Variants in PLXDC2 observed in about 807,000 individuals in gnomAD.
PLXDC2 encodes the protein plexin domain-containing protein 2.
A neutral mutation model predicts 68.9 loss-of-function variants in PLXDC2; 40 were observed. That is an observed-to-expected ratio of 0.58 (90% CI 0.45 to 0.76). The LOEUF is 0.76. PLXDC2 is among the 30% of genes least tolerant of loss of function. The probability of loss-of-function intolerance (pLI) is 0.00; values close to 1 mark genes in which losing one functional copy is unlikely to be tolerated. For missense variants in PLXDC2, 644 were observed against 661.9 expected (o/e 0.97, Z 0.30); for synonymous variants, 243 against 234.2 (o/e 1.04, Z -0.34).
At chr10:19,968,000 C>T (rs1254613002) in intron 1 of PLXDC2, among the ~76,000 whole-genome samples, 2 of 152,104 alleles carry the variant, frequency 1.3e-5, no homozygotes, top group East Asian at 3.9e-4. Context: ...ATATTTTAAC[C>T]TAGAAAAGAC....
At chr10:20,052,883 C>T (rs1037903236) in intron 3 of PLXDC2, among the ~76,000 whole-genome samples, 3 of 152,018 alleles carry the variant, frequency 2.0e-5, no homozygotes, top group African/African-American at 7.2e-5. Flanking sequence ...CCACACACTT[C>T]CCTCCTTCTT....
intron 1 of PLXDC2, among the ~76,000 whole-genome samples, chr10:19,978,363 C>CT (rs1564645770): frequency 2.0e-5 from 3 of 152,042 alleles, no homozygotes; most frequent in South Asian, 4.2e-4. Flanking sequence ...TTTTTTCTTA[C>CT]TTTTTTCTTT....
At chr10:19,956,944 G>T (rs556186604) in intron 1 of PLXDC2, among the ~76,000 whole-genome samples, 3 of 152,180 alleles carry the variant, frequency 2.0e-5, no homozygotes, top group African/African-American at 7.2e-5. Context: ...AGTGCTACTG[G>T]GAACAATTCT....
chr10:20,244,321 T>C (rs1258829760), intron 12 of PLXDC2, among the ~76,000 whole-genome samples: 1 of 152,212 alleles, frequency 6.6e-6, no homozygotes, highest in Non-Finnish European at 1.5e-5. Context: ...TTTGGCTGGT[T>C]GGCTTTGGTT....
At chr10:19,869,534 A>G (rs1405012801) in intron 1 of PLXDC2, among the ~76,000 whole-genome samples, 2 of 149,580 alleles carry the variant, frequency 1.3e-5, no homozygotes, top group Non-Finnish European at 2.9e-5. Context: ...CTAAGCCAAC[A>G]TTTTTTCTCA....
At chr10:19,924,081 G>A (rs1451679783) in intron 1 of PLXDC2, among the ~76,000 whole-genome samples, 3 of 152,132 alleles carry the variant, frequency 2.0e-5, no homozygotes, top group South Asian at 2.1e-4. Context: ...AGTCCCAACC[G>A]GCCAGCATTT....
At chr10:19,980,775 C>A (rs950481543) in intron 1 of PLXDC2, among the ~76,000 whole-genome samples, 1 of 152,178 alleles carries the variant, frequency 6.6e-6, no homozygotes, top group African/African-American at 2.4e-5. Flanking sequence ...AAATTTCTAA[C>A]CTCATTTAAC....
At chr10:20,039,734 G>A (rs1321068659) in intron 2 of PLXDC2, among the ~76,000 whole-genome samples, 1 of 152,086 alleles carries the variant, frequency 6.6e-6, no homozygotes. Flanking sequence ...TGCATATAAT[G>A]TGTTTATTAT....
chr10:19,930,109 A>ATTTTAAGT (rs1024518946), intron 1 of PLXDC2, among the ~76,000 whole-genome samples: 3 of 151,972 alleles, frequency 2.0e-5, no homozygotes, highest in African/African-American at 7.3e-5. Context: ...TTTCAGATAA[A>ATTTTAAGT]TTTTAAGTTG....
chr10:20,202,265 C>T (rs1220114515), intron 9 of PLXDC2, among the ~76,000 whole-genome samples: 1 of 152,152 alleles, frequency 6.6e-6, no homozygotes, highest in Non-Finnish European at 1.5e-5. Flanking sequence ...AATCCCCAAA[C>T]ACAGTGTTAA....
At chr10:19,837,617 G>T (rs1836824260) in intron 1 of PLXDC2, among the ~76,000 whole-genome samples, 1 of 152,118 alleles carries the variant, frequency 6.6e-6, no homozygotes, top group South Asian at 2.1e-4. Context: ...GTTTAACTTT[G>T]TAATGAGTTG....
At chr10:19,817,947 G>C (rs773271499) in intron 1 of PLXDC2, among the ~76,000 whole-genome samples, 9 of 152,172 alleles carry the variant, frequency 5.9e-5, no homozygotes, top group Non-Finnish European at 1.2e-4. Flanking sequence ...GCAGGTGCGC[G>C]TCCTGCGGGG....
chr10:20,021,668 A>AT (rs199856642), intron 2 of PLXDC2, among the ~76,000 whole-genome samples: 7 of 119,228 alleles, frequency 5.9e-5, no homozygotes, highest in South Asian at 2.6e-4. Flanking sequence ...CTCCAGTCAC[A>AT]TTTTTTTTTA....
At chr10:19,838,140 T>A (rs1836834494) in intron 1 of PLXDC2, among the ~76,000 whole-genome samples, 1 of 152,120 alleles carries the variant, frequency 6.6e-6, no homozygotes, top group Non-Finnish European at 1.5e-5. Flanking sequence ...TTTTAAGTTT[T>A]TTTGTAAAGA....
Position 20,289,245 on chromosome 10 carries a change from A to C in PLXDC2, c.*9426A>C, listed in dbSNP as rs1836199187. 6.6e-6 allele frequency: 1 copy of C among 152,150 alleles called. No homozygotes were observed. Among genetic ancestry groups the C allele is most frequent in the South Asian group, 2.1e-4 (1 of 4,836 alleles). The allele number at this position is 152,150 out of a possible 1,614,324, so 9.4% of individuals were successfully genotyped here. A position where few individuals can be genotyped will look rare whatever the true frequency, so the allele number is the denominator to read the frequency against. On this transcript the variant is annotated 3_prime_UTR_variant, in exon 14 of 14. Transcript: ENST00000377252. The stretch of plus-strand genomic sequence containing the variant: ...TACTAGCTAGAGGGAGCTGTAGAAA[A>C]CAAAGATTTCAGGATTGCACAGTGT...
chr10:19,923,562 G>T (rs1490774244), intron 1 of PLXDC2, among the ~76,000 whole-genome samples: 2 of 152,074 alleles, frequency 1.3e-5, no homozygotes, highest in Non-Finnish European at 2.9e-5. Flanking sequence ...TTATCCAATT[G>T]CTACACTGAG....
At chr10:19,952,650 A>G (rs1834008038) in intron 1 of PLXDC2, among the ~76,000 whole-genome samples, 1 of 152,238 alleles carries the variant, frequency 6.6e-6, no homozygotes. Flanking sequence ...AATGTTGAGT[A>G]TCTGAATTTC....
At chr10:19,883,455 A>G (rs1207765349) in intron 1 of PLXDC2, among the ~76,000 whole-genome samples, 2 of 152,176 alleles carry the variant, frequency 1.3e-5, no homozygotes, top group Non-Finnish European at 2.9e-5. Flanking sequence ...CATGAAATTC[A>G]AAACTGAAAA....
intron 4 of PLXDC2, among the ~76,000 whole-genome samples, chr10:20,094,949 G>T (rs939913961): frequency 6.6e-6 from 1 of 152,160 alleles, no homozygotes; most frequent in Non-Finnish European, 1.5e-5. Context: ...GCTGGATCCT[G>T]TAATTATAAA....
Sources: allele counts gnomAD v4.1 joint callset (sites outside exome capture counted in the v4.1 genomes callset), GRCh38; gene constraint gnomAD v4.1.1; transcripts MANE v1.5; gene names NCBI Gene and HGNC (gene_info 2026-07-23, HGNC 2026-07-21).